DHRS2: variants seen among roughly 807,000 people sequenced by gnomAD.
DHRS2 encodes the protein dehydrogenase/reductase 2.
Under a neutral mutation model 26.3 loss-of-function variants are expected in DHRS2, and 29 were observed. That is an observed-to-expected ratio of 1.10 (90% confidence interval 0.82 to 1.50). DHRS2 has a LOEUF of 1.50. Ranked by LOEUF, DHRS2 falls within the 40% of genes most tolerant of loss-of-function variation. The pLI, the probability that DHRS2 is intolerant of heterozygous loss-of-function variation, is 0.00. For missense variants in DHRS2, 439 were observed against 367.1 expected, an observed-to-expected ratio of 1.20 and a Z score of -1.60; for synonymous variants, 164 against 151.3, an observed-to-expected ratio of 1.08 and a Z score of -0.62.
upstream of DHRS2, among the ~76,000 whole-genome samples, chr14:23,632,355 T>C (rs1890145283): frequency 6.6e-6 from 1 of 152,076 alleles, no homozygotes; most frequent in Admixed American, 6.5e-5. Flanking sequence ...GCTGTAAATA[T>C]GACCTTGCAG....
chr14:23,641,564 G>C, intron 4 of DHRS2: 20 of 1,270,096 alleles, frequency 1.6e-5, no homozygotes, highest in Non-Finnish European at 2.0e-5. Context: ...CACTCAGCCT[G>C]ATGCACATGG....
At chr14:23,645,067 A>T in intron 8 of DHRS2, 75 bp from the exon 9 acceptor site, 1 of 1,603,474 alleles carries the variant, frequency 6.2e-7, no homozygotes, top group South Asian at 1.1e-5. Context: ...GCCCACTCCC[A>T]CCTGTCATCC....
intron 1 of DHRS2, chr14:23,637,997 G>A (rs1465054721): frequency 6.6e-6 from 1 of 152,170 alleles, no homozygotes; most frequent in Non-Finnish European, 1.5e-5. Context: ...TGGAAGTTTT[G>A]TTCTTTCGCT....
At position 23,644,116 on chromosome 14, in the gene DHRS2, G is replaced by A; in HGVS notation, c.494G>A (p.Gly165Asp). The A allele has an allele frequency of 6.2e-7, 1 of 1,614,146 alleles. No homozygotes were observed. The highest frequency in any genetic ancestry group is 2.2e-5 in the East Asian group (1 of 44,878). ...TTATGTTTGTCTTGTCTCAGGAGGG[G>A]TGCTGTCATCCTGGTCTCTTCCATT... ...QLLPYMENRR[G>D]AVILVSSIAA... Residue 165 changes from glycine (G) to aspartate (D), a missense_variant, in exon 6 of 9, where the codon GGT becomes GAT. Transcript: ENST00000250383.
intron 8 of DHRS2, 45 bp from the exon 9 acceptor site, chr14:23,645,097 A>G (rs776195246): frequency 6.2e-7 from 1 of 1,611,392 alleles, no homozygotes. Context: ...AGAGCAGCAG[A>G]ATCAGAGTAC....
At chr14:23,644,913 T>C (rs775891301) in intron 8 of DHRS2, 31 bp downstream of exon 8, 10 of 1,612,500 alleles carry the variant, frequency 6.2e-6, no homozygotes, top group Non-Finnish European at 8.5e-6. Flanking sequence ...TGGTGGTCCA[T>C]GTGTGGCTAG....
intron 5 of DHRS2, 177 bp downstream of exon 5, chr14:23,643,396 G>T (rs945973586): frequency 3.2e-6 from 2 of 616,880 alleles, no homozygotes; most frequent in Admixed American, 5.5e-5. Context: ...AATTCCAGTG[G>T]CTGCAGGATG....
upstream of DHRS2, among the ~76,000 whole-genome samples, chr14:23,635,867 G>A (rs1397692665): frequency 5.9e-5 from 9 of 152,242 alleles, no homozygotes; most frequent in Non-Finnish European, 1.3e-4. Context: ...TCCGTGGGCC[G>A]GCCGGTGCCA....
rs139707049 is a variant in DHRS2, at chr14:23,637,441, G to T, written c.-39+669G>T. Among the ~76,000 whole-genome samples, 467 of 152,276 alleles carry T rather than the reference G, an allele frequency of 3.1e-3. 2 individuals are homozygous for T. The highest frequency in any genetic ancestry group is 0.011 in the African/African-American group (451 of 41,542). On this transcript the variant is annotated intron_variant, in intron 1 of 8. Transcript: ENST00000250383. ...AAAAGCTATTCCTGAAGCTAGGATA[G>T]GGGGAGCCTCAGAAATTGTATCCTT...
Position 23,639,213 on chromosome 14 carries a change from G to A in DHRS2, c.175G>A (p.Asp59Asn). The A allele has an allele frequency of 6.2e-7, 1 of 1,613,946 alleles. No homozygotes were observed. The highest frequency in any genetic ancestry group is 8.5e-7 in the Non-Finnish European group (1 of 1,179,952). Residue 59 changes from aspartate to asparagine, a missense_variant, in exon 3 of 9, where the codon GAC becomes AAC. Coordinates refer to ENST00000250383, the MANE Select transcript of DHRS2 (RefSeq NM_005794.4). Reference protein sequence around the residue: ...GFAIARRLARDGAHVVISSRK... With the variant: ...GFAIARRLARNGAHVVISSRK... ...TGCCATCGCCCGACGTCTGGCCCGG[G>A]ACGGGGCCCACGTGGTCATCAGCAG... is the stretch of plus-strand genomic sequence containing the variant.
intron 5 of DHRS2, 199 bp from the exon 6 acceptor site, chr14:23,643,912 A>G (rs538592509): frequency 2.0e-4 from 118 of 604,328 alleles, no homozygotes; most frequent in Non-Finnish European, 3.3e-4. Flanking sequence ...TATGAGAAAT[A>G]GGCATGGAAT....
At position 23,639,848 on chromosome 14, in the gene DHRS2, C is replaced by T. The variant is rs555023428; in HGVS notation, c.373C>T (p.Pro125Ser). 5 of 1,610,066 alleles carry T rather than the reference C, an allele frequency of 3.1e-6. No homozygotes were observed. Among genetic ancestry groups the T allele is most frequent in the East Asian group, 2.2e-5 (1 of 44,506 alleles). ...CCTGGTGTGCAGCGCAGGGGTCAACCCTCTGGTAGGGAGCACTCTGGGGAC... is the reference window on the plus strand; with the variant it reads ...CCTGGTGTGCAGCGCAGGGGTCAACTCTCTGGTAGGGAGCACTCTGGGGAC... ...DFLVCSAGVN[P>S]LVGSTLGTSE... The change falls in exon 4 of 9, where the codon CCT becomes TCT. Residue 125 changes from proline to serine, a missense_variant. Transcript: ENST00000250383.
At chr14:23,639,096 A>G in intron 2 of DHRS2, 83 bp from the exon 3 acceptor site, 1 of 1,592,122 alleles carries the variant, frequency 6.3e-7, no homozygotes, top group Non-Finnish European at 8.6e-7. Flanking sequence ...ACCCAGCCTT[A>G]TTTGCTGATT....
At chr14:23,639,761 C>T (rs780129936) in intron 3 of DHRS2, 33 bp from the exon 4 acceptor site, 21 of 1,569,898 alleles carry the variant, frequency 1.3e-5, no homozygotes, top group Admixed American at 1.9e-5. Flanking sequence ...CTCCTCAGGC[C>T]ATCTCCACAC....
chr14:23,644,681 C>A (rs769834492), intron 7 of DHRS2, 138 bp downstream of exon 7: 67 of 1,484,728 alleles, frequency 4.5e-5, no homozygotes, highest in Non-Finnish European at 6.0e-5. Flanking sequence ...TGAACTCAGC[C>A]ATGGTGCAGT....
chr14:23,645,003 C>A lies in DHRS2; in HGVS notation c.731+121C>A, dbSNP rs1890819729. On this transcript the variant is annotated intron_variant, in intron 8 of 8. Transcript: ENST00000250383. ...TGTTTTTGCTGAAATCTGGAGTCCA[C>A]ATGGCCCTGGAGGGTGCAAGTAGCC... 23 of 1,557,676 alleles carry A rather than the reference C, an allele frequency of 1.5e-5. No individual in the cohort carries two copies. The South Asian group carries it at 2.6e-4, about 17-fold the overall frequency.
intron 4 of DHRS2, chr14:23,641,349 C>T (rs1012837960): frequency 3.5e-5 from 8 of 231,720 alleles, no homozygotes; most frequent in Non-Finnish European, 3.4e-5. Context: ...ACCAAAACCA[C>T]ATCACCTCCA....
In DHRS2 at chr14:23,645,128, C is replaced by T; in HGVS notation, c.732-14C>T. 6.2e-7 allele frequency: 1 copy of T among 1,613,984 alleles called. No individual in the cohort carries two copies. Among genetic ancestry groups the T allele is most frequent in the Non-Finnish European group, 8.5e-7 (1 of 1,179,880 alleles). ...AGTACAAGATGCTTGACACTGTGTC[C>T]TTCTTCCATCCAGGATTGGGGAGTC... On this transcript the variant is annotated splice_polypyrimidine_tract_variant and intron_variant, in intron 8 of 8. Coordinates refer to ENST00000250383, the MANE Select transcript of DHRS2 (RefSeq NM_005794.4).
At chr14:23,644,665 G>A in intron 7 of DHRS2, 122 bp downstream of exon 7, 2 of 1,527,062 alleles carry the variant, frequency 1.3e-6, no homozygotes, top group Admixed American at 3.4e-5. Context: ...GGTCCTCATT[G>A]TTCTCTGAAC....
Sources: allele counts gnomAD v4.1 joint callset (sites outside exome capture counted in the v4.1 genomes callset), GRCh38; gene constraint gnomAD v4.1.1; transcripts MANE v1.5; gene names NCBI Gene and HGNC (gene_info 2026-07-23, HGNC 2026-07-21).